Variants in ST6GALNAC3 observed in about 807,000 individuals in gnomAD.
ST6GALNAC3 encodes alpha-N-acetylgalactosaminide alpha-2,6-sialyltransferase 3.
A neutral mutation model predicts 32.7 loss-of-function variants in ST6GALNAC3; 25 were observed. That is an observed-to-expected ratio of 0.76 (90% CI 0.56 to 1.07). The LOEUF (loss-of-function observed/expected upper bound fraction) is 1.07. ST6GALNAC3 is among the 50% of genes least tolerant of loss of function. ST6GALNAC3 has a pLI of 0.00. For missense variants in ST6GALNAC3, 355 were observed against 382.4 expected, an observed-to-expected ratio of 0.93 and a Z score of 0.60; for synonymous variants, 129 against 133.1, an observed-to-expected ratio of 0.97 and a Z score of 0.21.
At chr1:76,103,855 T>C (rs185833107) in intron 1 of ST6GALNAC3, among the ~76,000 whole-genome samples, 88 of 152,318 alleles carry the variant, frequency 5.8e-4, no homozygotes, top group African/African-American at 2.1e-3. Context: ...GGGTTCATCT[T>C]GATAATTTAA....
chr1:76,584,911 G>A (rs925008011), intron 3 of ST6GALNAC3, among the ~76,000 whole-genome samples: 3 of 152,148 alleles, frequency 2.0e-5, no homozygotes, highest in African/African-American at 7.2e-5. Context: ...GCCACATGGG[G>A]CTTTTTCTCT....
chr1:76,279,948 T>C (rs961471474), intron 1 of ST6GALNAC3, among the ~76,000 whole-genome samples: 1 of 150,812 alleles, frequency 6.6e-6, no homozygotes, highest in Non-Finnish European at 1.5e-5. Context: ...CGGGAGAAAG[T>C]GGGGTGCTTG....
At chr1:76,426,364 AG>A (rs1202559669) in intron 3 of ST6GALNAC3, among the ~76,000 whole-genome samples, 2 of 151,696 alleles carry the variant, frequency 1.3e-5, no homozygotes, top group Non-Finnish European at 2.9e-5. Flanking sequence ...TGGGATTGTT[AG>A]TTCATTATCC....
At chr1:76,149,026 C>A (rs7550790) in intron 1 of ST6GALNAC3, among the ~76,000 whole-genome samples, 76,599 of 152,148 alleles carry the variant, frequency 0.5, 22,842 homozygotes, top group East Asian at 0.87. Context: ...TATAACAATG[C>A]TTGCCTCATC....
At chr1:76,354,048 G>A (rs1190887466) in intron 2 of ST6GALNAC3, 2 of 155,662 alleles carry the variant, frequency 1.3e-5, no homozygotes, top group African/African-American at 4.8e-5. Context: ...CTCCCACCAT[G>A]ACAGGTGCCA....
chr1:76,157,079 T>A (rs1186414093), intron 1 of ST6GALNAC3, among the ~76,000 whole-genome samples: 1 of 148,516 alleles, frequency 6.7e-6, no homozygotes, highest in Non-Finnish European at 1.5e-5. Flanking sequence ...GGGTCTGGGC[T>A]CCAGGTGTGC....
rs1652209352 is a variant in ST6GALNAC3 at position 76,167,642 on chromosome 1, C to T, written c.18+92758C>T. Among the ~76,000 whole-genome samples, 3 of 149,812 alleles carry T rather than the reference C, an allele frequency of 2.0e-5. No homozygotes were observed. The South Asian group carries it at 6.3e-4, about 31-fold the overall frequency. On this transcript the variant is annotated intron_variant, in intron 1 of 4. Coordinates refer to ENST00000328299, the MANE Select transcript of ST6GALNAC3 (RefSeq NM_152996.4). ...CCCTGGGCTTTTATTGGTTGGTAGG[C>T]TATTTGTTGATTCAATTTCGGAGCT...
intron 3 of ST6GALNAC3, among the ~76,000 whole-genome samples, chr1:76,624,084 G>A (rs1479993756): frequency 6.6e-6 from 1 of 151,898 alleles, no homozygotes; most frequent in Non-Finnish European, 1.5e-5. Context: ...AGGCATCAGG[G>A]AAAGGAACTG....
At chr1:76,084,690 G>A (rs1273716951) in intron 1 of ST6GALNAC3, among the ~76,000 whole-genome samples, 2 of 152,288 alleles carry the variant, frequency 1.3e-5, no homozygotes, top group East Asian at 3.9e-4. Flanking sequence ...TATGGCCAAT[G>A]GTGCTTAGAG....
At chr1:76,525,795 A>ATATATATATATATACG (rs1662857148) in intron 3 of ST6GALNAC3, among the ~76,000 whole-genome samples, 2 of 47,822 alleles carry the variant, frequency 4.2e-5, no homozygotes, top group Non-Finnish European at 7.3e-5. Context: ...GTGTGTGTAT[A>ATATATATATATATACG]TATATATATA....
intron 1 of ST6GALNAC3, among the ~76,000 whole-genome samples, chr1:76,304,279 G>A (rs1660903389): frequency 1.3e-5 from 2 of 152,018 alleles, no homozygotes; most frequent in East Asian, 3.9e-4. Flanking sequence ...ATGTCCTGAA[G>A]AAATTTTCAA....
chr1:76,441,297 A>G (rs1188803034), intron 3 of ST6GALNAC3, among the ~76,000 whole-genome samples: 1 of 152,106 alleles, frequency 6.6e-6, no homozygotes, highest in East Asian at 1.9e-4. Context: ...TTTATTACCT[A>G]CATTATCTCA....
intron 1 of ST6GALNAC3, among the ~76,000 whole-genome samples, chr1:76,282,102 C>G (rs1009509941): frequency 6.6e-6 from 1 of 152,010 alleles, no homozygotes; most frequent in African/African-American, 2.4e-5. Flanking sequence ...TATGAGGAGA[C>G]AAGAATTATA....
At chr1:76,158,551 C>T (rs1651613956) in intron 1 of ST6GALNAC3, among the ~76,000 whole-genome samples, 2 of 152,172 alleles carry the variant, frequency 1.3e-5, no homozygotes, top group Admixed American at 6.5e-5. Flanking sequence ...AAGAATTCAT[C>T]CTTCTCTTCC....
chr1:76,379,326 T>A (rs1651519321), intron 2 of ST6GALNAC3, among the ~76,000 whole-genome samples: 1 of 152,152 alleles, frequency 6.6e-6, no homozygotes. Context: ...CTTGCCAATA[T>A]CCCTAACCCC....
chr1:76,130,513 C>G lies in ST6GALNAC3; in HGVS notation c.18+55629C>G, dbSNP rs151176554. On this transcript the variant is annotated intron_variant, in intron 1 of 4. Coordinates refer to ENST00000328299, the MANE Select transcript of ST6GALNAC3 (RefSeq NM_152996.4). ...ATGGCCCAGGTGACTAGGGAAGGGA[C>G]CAGCACTGTGCTCCCTCTGGCAGGG... 1.3e-3 allele frequency among the ~76,000 whole-genome samples: 201 copies of G among 152,272 alleles called. 6 individuals are homozygous for G. The East Asian group carries it at 0.036, about 28-fold the overall frequency.
At chr1:76,348,045 C>T (rs1365723995) in intron 2 of ST6GALNAC3, among the ~76,000 whole-genome samples, 1 of 152,098 alleles carries the variant, frequency 6.6e-6, no homozygotes, top group Non-Finnish European at 1.5e-5. Flanking sequence ...TTGCATAATA[C>T]GACAACTGTT....
intron 3 of ST6GALNAC3, among the ~76,000 whole-genome samples, chr1:76,536,532 G>A (rs1285915176): frequency 6.6e-6 from 1 of 151,360 alleles, no homozygotes; most frequent in African/African-American, 2.4e-5. Context: ...CCTCCCCCAT[G>A]ATTCAATCAT....
intron 3 of ST6GALNAC3, among the ~76,000 whole-genome samples, chr1:76,421,760 A>G (rs1433361630): frequency 6.6e-6 from 1 of 152,058 alleles, no homozygotes; most frequent in Admixed American, 6.6e-5. Flanking sequence ...AACCAACTGC[A>G]TAAATGAAGA....
Sources: allele counts gnomAD v4.1 joint callset (sites outside exome capture counted in the v4.1 genomes callset), GRCh38; gene constraint gnomAD v4.1.1; transcripts MANE v1.5; gene names NCBI Gene and HGNC (gene_info 2026-07-23, HGNC 2026-07-21).